RAD51B: variants seen among roughly 807,000 people sequenced by gnomAD.
RAD51B encodes DNA repair protein RAD51 homolog 2.
Under a neutral mutation model 42.2 loss-of-function variants are expected in RAD51B, and 38 were observed. The observed-to-expected ratio is 0.90, with a 90% CI of 0.70 to 1.18. The LOEUF (loss-of-function observed/expected upper bound fraction) is 1.18. Ranked by LOEUF, RAD51B falls within the 50% of genes most tolerant of loss-of-function variation. The pLI is 0.00. For missense variants in RAD51B, 373 were observed against 400.7 expected, an observed-to-expected ratio of 0.93 and a Z score of 0.59; for synonymous variants, 154 against 145.2, an observed-to-expected ratio of 1.06 and a Z score of -0.43.
chr14:68,549,442 G>GTTTTTTTTT (rs1888410087), intron 10 of RAD51B, among the ~76,000 whole-genome samples: 1 of 82,180 alleles, frequency 1.2e-5, no homozygotes, highest in African/African-American at 3.9e-5. Context: ...TTGAGACGGA[G>GTTTTTTTTT]TTTCGCTCTG....
chr14:68,462,062 C>G (rs1410591119), intron 9 of RAD51B, among the ~76,000 whole-genome samples: 1 of 152,122 alleles, frequency 6.6e-6, no homozygotes, highest in Admixed American at 6.5e-5. Context: ...CAGAAAATGC[C>G]CCAGATCTGC....
chr14:68,465,433 C>T (rs542657820), intron 9 of RAD51B, among the ~76,000 whole-genome samples: 4 of 152,286 alleles, frequency 2.6e-5, no homozygotes, highest in Admixed American at 2.0e-4. Context: ...TTGCCTAGAA[C>T]CTGGCTACTC....
chr14:68,592,253 A>ATGTG (rs55833641), intron 10 of RAD51B, among the ~76,000 whole-genome samples: 13,547 of 139,942 alleles, frequency 0.097, 701 homozygotes, highest in South Asian at 0.21. Flanking sequence ...GTAGGCAATG[A>ATGTG]TGTGTGTGTG....
intron 7 of RAD51B, among the ~76,000 whole-genome samples, chr14:67,993,192 GTATGGA>G (rs542061041): frequency 7.7e-4 from 117 of 152,144 alleles, no homozygotes; most frequent in Non-Finnish European, 1.4e-3. Flanking sequence ...ATGCTTGAGG[GTATGGA>G]TACCCCATCT....
chr14:67,971,617 A>C (rs527742579), intron 7 of RAD51B, among the ~76,000 whole-genome samples: 1 of 152,230 alleles, frequency 6.6e-6, no homozygotes, highest in Admixed American at 6.5e-5. Flanking sequence ...AAAAGATAGA[A>C]TTTGAGCTGA....
intron 10 of RAD51B, among the ~76,000 whole-genome samples, chr14:68,528,498 C>T (rs991135140): frequency 6.6e-6 from 1 of 152,084 alleles, no homozygotes; most frequent in Non-Finnish European, 1.5e-5. Context: ...TTTATCTGAT[C>T]TCTTGTAAAA....
At chr14:68,133,287 G>T (rs572525366) in intron 7 of RAD51B, among the ~76,000 whole-genome samples, 1 of 152,218 alleles carries the variant, frequency 6.6e-6, no homozygotes, top group African/African-American at 2.4e-5. Context: ...TTCTACTCAA[G>T]GATTACTCTG....
intron 10 of RAD51B, among the ~76,000 whole-genome samples, chr14:68,506,572 T>A (rs980905050): frequency 6.6e-6 from 1 of 152,238 alleles, no homozygotes; most frequent in African/African-American, 2.4e-5. Flanking sequence ...CGTGGGAATA[T>A]AAACATCCTT....
rs566470956 is a variant in RAD51B, at chr14:67,885,385, T to C, written c.453-484T>C. On this transcript the variant is annotated intron_variant, in intron 5 of 10. Coordinates refer to ENST00000471583, the MANE Select transcript of RAD51B (RefSeq NM_133510.4). ...TTATTTGGGCCATAATTTAAAGGAATTATTGCATAGCATTAATTTGCATGA... is the reference window on the plus strand; with the variant it reads ...TTATTTGGGCCATAATTTAAAGGAACTATTGCATAGCATTAATTTGCATGA... Among the ~76,000 whole-genome samples the C allele has an allele frequency of 7.9e-5, 12 of 152,330 alleles. No individual in the cohort carries two copies. In the East Asian group the frequency reaches 2.3e-3, roughly 29 times the overall value.
downstream of RAD51B, among the ~76,000 whole-genome samples, chr14:68,482,863 G>A (rs755360763): frequency 7.9e-5 from 12 of 152,176 alleles, no homozygotes; most frequent in Non-Finnish European, 1.8e-4. Context: ...CATAAGTCAG[G>A]ACACATTTGG....
At chr14:67,934,839 T>C (rs2044878707) in intron 7 of RAD51B, among the ~76,000 whole-genome samples, 1 of 152,184 alleles carries the variant, frequency 6.6e-6, no homozygotes, top group Non-Finnish European at 1.5e-5. Flanking sequence ...GTTGAACGAA[T>C]GGTAGGATCA....
intron 7 of RAD51B, among the ~76,000 whole-genome samples, chr14:68,226,680 C>T (rs12889483): frequency 9.8e-4 from 149 of 152,298 alleles, no homozygotes; most frequent in Non-Finnish European, 1.6e-3. Flanking sequence ...ATTAAACCCT[C>T]GGGTATGTCT....
intron 7 of RAD51B, among the ~76,000 whole-genome samples, chr14:67,916,320 C>T (rs1014257484): frequency 4.6e-5 from 7 of 151,664 alleles, no homozygotes; most frequent in African/African-American, 1.5e-4. Flanking sequence ...CTCACTTTGT[C>T]GCTCAGGTTG....
At chr14:68,219,144 G>A (rs972233051) in intron 7 of RAD51B, among the ~76,000 whole-genome samples, 7 of 152,202 alleles carry the variant, frequency 4.6e-5, no homozygotes, top group South Asian at 2.1e-4. Context: ...ATAATCTTGC[G>A]TATCAGAGCT....
At chr14:68,202,159 TA>T (rs2079499248) in intron 7 of RAD51B, among the ~76,000 whole-genome samples, 1 of 152,192 alleles carries the variant, frequency 6.6e-6, no homozygotes, top group African/African-American at 2.4e-5. Context: ...AATTTATTGC[TA>T]AAAAATGCTA....
At chr14:68,005,149 G>A (rs1015173627) in intron 7 of RAD51B, among the ~76,000 whole-genome samples, 2 of 139,750 alleles carry the variant, frequency 1.4e-5, no homozygotes, top group Non-Finnish European at 3.0e-5. Context: ...CGCATCCCAC[G>A]TTCAAACAAT....
At chr14:68,245,883 C>T (rs528245527) in intron 7 of RAD51B, among the ~76,000 whole-genome samples, 4 of 151,884 alleles carry the variant, frequency 2.6e-5, no homozygotes, top group African/African-American at 7.2e-5. Context: ...TGTCAGGAGC[C>T]GGGGAAGGTA....
intron 8 of RAD51B, among the ~76,000 whole-genome samples, chr14:68,327,370 TTTTTTTTTGTTG>T (rs1392590504): frequency 1.6e-5 from 1 of 61,240 alleles, no homozygotes; most frequent in Non-Finnish European, 4.7e-5. Flanking sequence ...CTTCAGTTTG[TTTTTTTTTGTTG>T]TTTTTTTTTT....
chr14:67,871,990 G>T (rs1251054206), intron 5 of RAD51B, among the ~76,000 whole-genome samples: 2 of 147,420 alleles, frequency 1.4e-5, no homozygotes. Flanking sequence ...CATACTGAAT[G>T]GGCAAAAACT....
Sources: gnomAD v4.1 joint callset for allele counts (sites outside exome capture counted in the v4.1 genomes callset) on GRCh38, gnomAD v4.1.1 for gene constraint, MANE v1.5 for transcripts, NCBI Gene and HGNC (gene_info 2026-07-23, HGNC 2026-07-21) for gene names.